Variants in UGT1A9 observed in about 807,000 individuals in gnomAD.
UGT1A9 encodes the protein UDP glucuronosyltransferase family 1 member A9.
In UGT1A9, 35 loss-of-function variants were observed where a neutral mutation model predicts 45.0. The observed-to-expected ratio is 0.78, with a 90% CI of 0.59 to 1.03. The LOEUF (loss-of-function observed/expected upper bound fraction) is 1.03. Ranked by LOEUF, UGT1A9 falls within the 50% of genes least tolerant of loss-of-function variation. The pLI, the probability that UGT1A9 is intolerant of heterozygous loss-of-function variation, is 0.00. For missense variants in UGT1A9, 687 were observed against 666.6 expected, an observed-to-expected ratio of 1.03 and a Z score of -0.34; for synonymous variants, 278 against 250.6, an observed-to-expected ratio of 1.11 and a Z score of -1.03.
intron 1 of UGT1A9, among the ~76,000 whole-genome samples, chr2:233,727,282 A>G (rs1252298751): frequency 6.6e-6 from 1 of 152,100 alleles, no homozygotes; most frequent in African/African-American, 2.4e-5. Flanking sequence ...CAGACCCTGG[A>G]AGCTGATGAC....
Position 233,747,808 on chromosome 2 carries a change from C to T in UGT1A9, c.856-19226C>T, listed in dbSNP as rs1432471540. On this transcript the variant is annotated intron_variant, in intron 1 of 4. Coordinates refer to ENST00000354728, the MANE Select transcript of UGT1A9 (RefSeq NM_021027.3). ...TCCTCCTATATTCCTAAGTTACTAA[C>T]GACCAATTCAGACCACATGACATTC... 6.0e-5 allele frequency: 96 copies of T among 1,613,386 alleles called. No individual in the cohort carries two copies. In the South Asian group the frequency reaches 8.3e-4, roughly 14 times the overall value.
intron 1 of UGT1A9, among the ~76,000 whole-genome samples, chr2:233,695,323 A>G (rs2075280917): frequency 6.6e-6 from 1 of 151,690 alleles, no homozygotes. Flanking sequence ...GCGGGGTTTC[A>G]CCACGTTGGC....
At chr2:233,766,900 T>A (rs1336240432) in intron 1 of UGT1A9, 134 bp from the exon 2 acceptor site, 2 of 1,488,982 alleles carry the variant, frequency 1.3e-6, no homozygotes, top group Admixed American at 4.8e-5. Flanking sequence ...ATATTAATAA[T>A]TTTTTACTCT....
In UGT1A9 at chr2:233,769,574, T is replaced by C. The variant is rs1345352154; in HGVS notation, c.1295+1135T>C. 4 of 1,612,752 alleles carry C rather than the reference T, an allele frequency of 2.5e-6. No individual in the cohort carries two copies. The highest frequency in any genetic ancestry group is 3.3e-5 in the Admixed American group (2 of 59,992). On this transcript the variant is annotated intron_variant, in intron 4 of 4. Transcript: ENST00000354728. The surrounding 1 kb of genome is among the most constrained non-coding windows in gnomAD (Gnocchi z 4.4). ...AAGACAGATGTGAAGAGCTGGAGCA[T>C]GTTCAGATGAGAGGAGACGGAACAC... is the stretch of plus-strand genomic sequence containing the variant.
intron 1 of UGT1A9, among the ~76,000 whole-genome samples, chr2:233,684,764 A>G (rs1012371005): frequency 2.6e-5 from 4 of 152,186 alleles, no homozygotes; most frequent in African/African-American, 9.6e-5. Context: ...AATTCAGATC[A>G]TAAAGAGTGC....
chr2:233,714,763 T>C (rs2076410603), intron 1 of UGT1A9, among the ~76,000 whole-genome samples: 1 of 152,268 alleles, frequency 6.6e-6, no homozygotes, highest in African/African-American at 2.4e-5. Flanking sequence ...ACTTACAGTA[T>C]ATCTCAATTT....
chr2:233,691,768 T>G (rs1302054982), intron 1 of UGT1A9: 1 of 382,122 alleles, frequency 2.6e-6, no homozygotes, highest in Non-Finnish European at 3.6e-6. Flanking sequence ...TGCTCTAGGA[T>G]TCTCACCACG....
chr2:233,672,888 A>G, intron 1 of UGT1A9, 99 bp downstream of exon 1: 2 of 1,512,682 alleles, frequency 1.3e-6, no homozygotes, highest in Non-Finnish European at 1.8e-6. Context: ...CATTTGTTTC[A>G]TTTCAAATTT....
intron 1 of UGT1A9, among the ~76,000 whole-genome samples, chr2:233,757,216 G>A (rs1430883014): frequency 6.9e-6 from 1 of 145,650 alleles, no homozygotes; most frequent in Non-Finnish European, 1.5e-5. Context: ...GGAAGCTGCT[G>A]ACCAAGGTTC....
chr2:233,729,207 G>A (rs6706232), intron 1 of UGT1A9: 749,602 of 1,613,822 alleles, frequency 0.46, 180,459 homozygotes, highest in African/African-American at 0.76. Flanking sequence ...CCTGGGCTGA[G>A]AGTGGAAAGG....
intron 1 of UGT1A9, chr2:233,754,915 G>A (rs747609109): frequency 3.0e-6 from 4 of 1,353,928 alleles, no homozygotes; most frequent in Admixed American, 1.9e-5. Context: ...ATATTCTCCA[G>A]CGGGTTTCCC....
At chr2:233,737,915 A>C (rs986485881) in intron 1 of UGT1A9, among the ~76,000 whole-genome samples, 8 of 152,040 alleles carry the variant, frequency 5.3e-5, no homozygotes, top group Non-Finnish European at 8.8e-5. Context: ...AGAACAGGCT[A>C]GTGTATTTAG....
chr2:233,760,393 G>A lies in UGT1A9; in HGVS notation c.856-6641G>A, dbSNP rs1697429657. The A allele has an allele frequency of 4.3e-6, 7 of 1,614,206 alleles. No homozygotes were observed. In the South Asian group the frequency reaches 5.5e-5, roughly 13 times the overall value. On this transcript the variant is annotated intron_variant, in intron 1 of 4. Transcript: ENST00000354728. The stretch of plus-strand genomic sequence containing the variant: ...TGGGAAGATACTGTTGATCCCAGTG[G>A]ATGGCAGCCACTGGCTGAGCATGCT...
intron 1 of UGT1A9, chr2:233,693,668 T>C: frequency 6.2e-7 from 1 of 1,614,236 alleles, no homozygotes; most frequent in South Asian, 1.1e-5. Context: ...GCCCTATCTA[T>C]TTTATTGTCT....
chr2:233,713,281 C>G (rs763148643), intron 1 of UGT1A9: 16 of 1,614,240 alleles, frequency 9.9e-6, no homozygotes, highest in Non-Finnish European at 1.3e-5. Context: ...CTGGGTCACA[C>G]TCAATCGTTC....
At chr2:233,772,069 T>A (rs2126064958) in intron 4 of UGT1A9, among the ~76,000 whole-genome samples, 193 bp from the exon 5 acceptor site, 1 of 152,274 alleles carries the variant, frequency 6.6e-6, no homozygotes, top group East Asian at 1.9e-4. Context: ...GCCATGCTTG[T>A]GCCACTACAC....
Position 233,720,306 on chromosome 2 carries a change from T to A in UGT1A9, c.856-46728T>A, listed in dbSNP as rs1361961474. Among the ~76,000 whole-genome samples, 4 of 152,234 alleles carry A rather than the reference T, an allele frequency of 2.6e-5. No homozygotes were observed. The Middle Eastern group carries it at 0.01, about 388-fold the overall frequency. On this transcript the variant is annotated intron_variant, in intron 1 of 4. Transcript: ENST00000354728. ...TTCTGACCAGGAGTTGGGGGTCTGG[T>A]GTATGATGTGGGGACATCGTAGAGT...
chr2:233,678,714 T>A (rs2074425836), intron 1 of UGT1A9, among the ~76,000 whole-genome samples: 1 of 152,122 alleles, frequency 6.6e-6, no homozygotes, highest in Non-Finnish European at 1.5e-5. Flanking sequence ...TTCTTCTACA[T>A]CTTCTTTCTC....
chr2:233,704,632 C>T (rs576550936), intron 1 of UGT1A9, among the ~76,000 whole-genome samples: 126 of 152,100 alleles, frequency 8.3e-4, no homozygotes, highest in African/African-American at 2.9e-3. Flanking sequence ...GTTATATTAA[C>T]CTTTTTGCTT....
Sources: gnomAD v4.1 joint callset for allele counts (sites outside exome capture counted in the v4.1 genomes callset) on GRCh38, gnomAD v4.1.1 for gene constraint, Gnocchi (gnomAD v3.1) non-coding constraint, MANE v1.5 for transcripts, NCBI Gene and HGNC (gene_info 2026-07-23, HGNC 2026-07-21) for gene names.